CCDC6: variants seen among roughly 807,000 people sequenced by gnomAD.
The protein encoded by CCDC6 is coiled-coil domain containing 6, also known as coiled-coil domain-containing protein 6.
A neutral mutation model predicts 56.6 loss-of-function variants in CCDC6; 20 were observed. That is an observed-to-expected ratio of 0.35 (90% CI 0.25 to 0.51). The LOEUF is 0.51. Ranked by LOEUF, CCDC6 falls within the 20% of genes least tolerant of loss-of-function variation. CCDC6 has a pLI of 0.95. For missense variants in CCDC6, 367 were observed against 601.1 expected (o/e 0.61, Z 4.07); for synonymous variants, 241 against 234.4 (o/e 1.03, Z -0.26).
intron 1 of CCDC6, among the ~76,000 whole-genome samples, chr10:59,860,006 T>C (rs563636164): frequency 1.1e-4 from 17 of 152,298 alleles, no homozygotes; most frequent in African/African-American, 3.8e-4. Flanking sequence ...TGCTTGAACC[T>C]GGGAGGCAGA....
Position 59,829,761 on chromosome 10 carries a change from A to G in CCDC6, c.582+2764T>C, listed in dbSNP as rs1008272547. The stretch of plus-strand genomic sequence containing the variant: ...TTGCTTAGAGGTTATAGGGGATTAG[A>G]GGTGACAGATGAATGGTACGGGGTT... On this transcript the variant is annotated intron_variant, in intron 3 of 8. Transcript: ENST00000263102. Among the ~76,000 whole-genome samples, 42 of 152,196 alleles carry G rather than the reference A, an allele frequency of 2.8e-4. 1 individual carries two copies. The highest frequency in any genetic ancestry group is 5.9e-4 in the Admixed American group (9 of 15,274).
intron 5 of CCDC6, among the ~76,000 whole-genome samples, chr10:59,807,988 C>T (rs1471930186): frequency 1.3e-5 from 2 of 152,194 alleles, no homozygotes; most frequent in African/African-American, 4.8e-5. Flanking sequence ...ATTAATATTT[C>T]CAAGTCTAAT....
intron 1 of CCDC6, among the ~76,000 whole-genome samples, chr10:59,894,645 CA>C (rs1256781427): frequency 6.9e-6 from 1 of 145,122 alleles, no homozygotes; most frequent in Non-Finnish European, 1.5e-5. Flanking sequence ...AACATAAATG[CA>C]AAGGAAGAAA....
chr10:59,791,066 G>A lies in CCDC6; in HGVS notation c.*1851C>T, dbSNP rs778373807. On this transcript the variant is annotated 3_prime_UTR_variant, in exon 9 of 9. Transcript: ENST00000263102. ...TGGAATGGCAATGTACCAGGAGGGT[G>A]AGTGAACTGTTGGTGAAAATTCCGG... 4.7e-6 allele frequency: 1 copy of A among 210,784 alleles called. No homozygotes were observed. The highest frequency in any genetic ancestry group is 9.6e-6 in the Non-Finnish European group (1 of 103,830). The allele number at this position is 210,784 out of a possible 1,614,324, so 13.1% of individuals were successfully genotyped here.
chr10:59,835,731 T>C (rs1772993047), intron 2 of CCDC6, among the ~76,000 whole-genome samples: 1 of 152,176 alleles, frequency 6.6e-6, no homozygotes, highest in African/African-American at 2.4e-5. Context: ...ACAGAAAATA[T>C]AGTTCTTCCT....
chr10:59,812,739 A>G lies in CCDC6; in HGVS notation c.743T>C (p.Ile248Thr), dbSNP rs2070682845. The change falls in exon 5 of 9, where the codon ATC becomes ACC. Residue 248 changes from isoleucine (I) to threonine (T), a missense_variant. This residue lies in a region of CCDC6 where 81 missense variants were observed against 150.8 expected (regional missense o/e 0.54). Coordinates refer to ENST00000263102, the MANE Select transcript of CCDC6 (RefSeq NM_005436.5). ...TTCTGGAGAATCAATCTCCATGGAG[A>G]TATCTCTAGGCGATGGTGGAGCAGA... Reference protein sequence around the residue: ...PVSAPPSPRDISMEIDSPENM... With the variant: ...PVSAPPSPRDTSMEIDSPENM... 1.9e-6 allele frequency: 3 copies of G among 1,611,520 alleles called. No individual in the cohort carries two copies. The highest frequency in any genetic ancestry group is 2.5e-6 in the Non-Finnish European group (3 of 1,177,962).
chr10:59,841,380 T>A (rs567100763), intron 2 of CCDC6, among the ~76,000 whole-genome samples: 2 of 152,242 alleles, frequency 1.3e-5, no homozygotes, highest in African/African-American at 4.8e-5. Flanking sequence ...TATCTTTCCA[T>A]GGCACTTAAT....
intron 2 of CCDC6, among the ~76,000 whole-genome samples, chr10:59,847,213 G>A (rs1241904920): frequency 1.3e-5 from 2 of 151,972 alleles, no homozygotes; most frequent in South Asian, 2.1e-4. Flanking sequence ...CCACCACGCC[G>A]GGCTGATTTT....
intron 1 of CCDC6, among the ~76,000 whole-genome samples, chr10:59,873,420 C>CT (rs1476196167): frequency 6.6e-6 from 1 of 152,094 alleles, no homozygotes; most frequent in African/African-American, 2.4e-5. Context: ...CAAGGAACGC[C>CT]TGGAGATACT....
intron 7 of CCDC6, among the ~76,000 whole-genome samples, chr10:59,802,632 C>T (rs1478580415): frequency 6.6e-6 from 1 of 152,122 alleles, no homozygotes; most frequent in Non-Finnish European, 1.5e-5. Flanking sequence ...CTAGGTGTTA[C>T]TTATGACATA....
chr10:59,790,925 T>C lies in CCDC6; in HGVS notation c.*1992A>G, dbSNP rs549263514. The C allele has an allele frequency of 2.9e-5, 6 of 204,256 alleles. No individual in the cohort carries two copies. The highest frequency in any genetic ancestry group is 6.8e-5 in the African/African-American group (3 of 43,826). 12.7% of individuals were successfully genotyped at this position (204,256 alleles called of 1,614,324 possible). On this transcript the variant is annotated 3_prime_UTR_variant, in exon 9 of 9. Transcript: ENST00000263102. ...TGGGTGCAAGACACTATCCACAGCA[T>C]TGAAATCTATAATCTCATAAAAGAT...
intron 8 of CCDC6, among the ~76,000 whole-genome samples, chr10:59,794,090 C>T (rs2070492382): frequency 6.6e-6 from 1 of 152,132 alleles, no homozygotes; most frequent in East Asian, 1.9e-4. Flanking sequence ...ACATTACAAA[C>T]AAGGCTAACT....
intron 2 of CCDC6, among the ~76,000 whole-genome samples, chr10:59,847,360 T>A (rs993293481): frequency 6.6e-6 from 1 of 151,106 alleles, no homozygotes; most frequent in South Asian, 2.1e-4. Context: ...GCCTAGAAAT[T>A]TTTTTTTAAA....
chr10:59,878,900 T>TAAGGG (rs1564754960), intron 1 of CCDC6, among the ~76,000 whole-genome samples: 2 of 151,990 alleles, frequency 1.3e-5, no homozygotes, highest in African/African-American at 4.8e-5. Context: ...GGCCAAGCCA[T>TAAGGG]AAGGGAAAGG....
intron 1 of CCDC6, among the ~76,000 whole-genome samples, chr10:59,900,551 C>G (rs990333686): frequency 6.6e-6 from 1 of 152,114 alleles, no homozygotes; most frequent in Non-Finnish European, 1.5e-5. Context: ...TCATGCAGAG[C>G]CTGGTAAACC....
At chr10:59,804,664 T>C (rs775648534) in intron 6 of CCDC6, 144 bp from the exon 7 acceptor site, 7 of 615,118 alleles carry the variant, frequency 1.1e-5, no homozygotes, top group Non-Finnish European at 2.1e-5. Context: ...AAGGCATTTA[T>C]AAAATGGACT....
In CCDC6 at chr10:59,852,642, C is replaced by A; in HGVS notation, c.364G>T (p.Ala122Ser). The change falls in exon 2 of 9, where the codon GCT (alanine) becomes TCT (serine). Residue 122 changes from alanine (A) to serine (S), a missense_variant. By Grantham distance (99) the Ala-to-Ser change is moderately conservative. Coordinates refer to ENST00000263102, the MANE Select transcript of CCDC6 (RefSeq NM_005436.5). ...ISNTLFKKIQ[A>S]LQKEKETLAV... ...AGGGTTTCTTTCTCCTTCTGCAAAG[C>A]CTGAATTTTCTTGAATAAAGTGTTA... 5 of 1,605,102 alleles carry A rather than the reference C, an allele frequency of 3.1e-6. No individual in the cohort carries two copies. The highest frequency in any genetic ancestry group is 4.3e-6 in the Non-Finnish European group (5 of 1,176,200).
At chr10:59,816,557 AG>A (rs1805891849) in intron 3 of CCDC6, among the ~76,000 whole-genome samples, 1 of 152,226 alleles carries the variant, frequency 6.6e-6, no homozygotes, top group African/African-American at 2.4e-5. Context: ...GAAAATTACT[AG>A]ATATAATTTT....
intron 3 of CCDC6, among the ~76,000 whole-genome samples, chr10:59,829,930 G>T (rs1297709035): frequency 2.6e-5 from 4 of 152,198 alleles, no homozygotes; most frequent in South Asian, 2.1e-4. Context: ...CTGTTAAAAA[G>T]AAAGTGAACT....
Sources: gnomAD v4.1 joint callset for allele counts (sites outside exome capture counted in the v4.1 genomes callset) on GRCh38, gnomAD v4.1.1 for gene constraint, gnomAD v4.1.1 regional missense constraint, MANE v1.5 for transcripts, NCBI Gene and HGNC (gene_info 2026-07-23, HGNC 2026-07-21) for gene names.